RAB11FIP4: variants seen among roughly 807,000 people sequenced by gnomAD.
RAB11FIP4 encodes RAB11 family interacting protein 4, also known as rab11 family-interacting protein 4.
A neutral mutation model predicts 74.3 loss-of-function variants in RAB11FIP4; 23 were observed. The ratio of observed to expected loss-of-function variants is 0.31; its 90% CI spans 0.22 to 0.44. The LOEUF (loss-of-function observed/expected upper bound fraction) is 0.44, where lower values mean the gene tolerates loss of function less well. Ranked by LOEUF, RAB11FIP4 falls within the 20% of genes least tolerant of loss-of-function variation. The probability of loss-of-function intolerance (pLI) is 1.00; values close to 1 mark genes in which losing one functional copy is unlikely to be tolerated. For missense variants in RAB11FIP4, 630 were observed against 863.9 expected, an observed-to-expected ratio of 0.73 and a Z score of 3.39; for synonymous variants, 360 against 359.9, an observed-to-expected ratio of 1.00 and a Z score of 0.00.
intron 3 of RAB11FIP4, among the ~76,000 whole-genome samples, chr17:31,443,191 C>T (rs894866192): frequency 3.9e-5 from 6 of 152,132 alleles, no homozygotes; most frequent in Admixed American, 1.3e-4. Context: ...ACTAAGAGGG[C>T]GTTCTTCATG....
chr17:31,529,697 C>A lies in RAB11FIP4; in HGVS notation c.1654-629C>A, dbSNP rs530647103. Reference sequence around the variant, plus strand: ...CTGCCTGACCCTGCAGGTGGAAGAGCCTGCAGCATAAATTATCCTTCTGAG... The same window carrying A: ...CTGCCTGACCCTGCAGGTGGAAGAGACTGCAGCATAAATTATCCTTCTGAG... On this transcript the variant is annotated intron_variant, in intron 13 of 14. Transcript: ENST00000621161. 3.9e-5 allele frequency among the ~76,000 whole-genome samples: 6 copies of A among 152,228 alleles called. No individual in the cohort carries two copies. The East Asian group carries it at 9.7e-4, about 24-fold the overall frequency.
intron 1 of RAB11FIP4, among the ~76,000 whole-genome samples, chr17:31,423,088 T>C (rs1002083111): frequency 6.6e-6 from 1 of 152,082 alleles, no homozygotes; most frequent in Non-Finnish European, 1.5e-5. Flanking sequence ...ACCAGCTAAT[T>C]TTTTGCATTT....
At chr17:31,516,185 T>C (rs1173843415) in intron 3 of RAB11FIP4, among the ~76,000 whole-genome samples, 2 of 151,866 alleles carry the variant, frequency 1.3e-5, no homozygotes, top group Admixed American at 6.6e-5. Flanking sequence ...AGGTGTTCCA[T>C]GATGTGCACA....
intron 1 of RAB11FIP4, among the ~76,000 whole-genome samples, chr17:31,396,193 A>AAAAAAAG (rs1232681689): frequency 3.7e-4 from 46 of 124,852 alleles, no homozygotes; most frequent in African/African-American, 1.1e-3. Flanking sequence ...CAAAAAAAAA[A>AAAAAAAG]AAAAGAAAAG....
intron 1 of RAB11FIP4, among the ~76,000 whole-genome samples, chr17:31,423,981 G>A (rs8064763): frequency 0.04 from 6,030 of 152,048 alleles, 379 homozygotes; most frequent in African/African-American, 0.14. Flanking sequence ...TAGGGAGGGG[G>A]CTGGGAGAGA....
intron 1 of RAB11FIP4, among the ~76,000 whole-genome samples, chr17:31,430,220 T>C (rs2071294080): frequency 6.6e-6 from 1 of 151,970 alleles, no homozygotes; most frequent in Non-Finnish European, 1.5e-5. Context: ...GAGAAGAGTG[T>C]GGTGGTTTCC....
intron 1 of RAB11FIP4, among the ~76,000 whole-genome samples, chr17:31,416,171 T>G (rs969169580): frequency 1.3e-5 from 2 of 152,154 alleles, no homozygotes; most frequent in Non-Finnish European, 2.9e-5. Context: ...CGTGGTAATG[T>G]TCCCCTTTGC....
intron 3 of RAB11FIP4, among the ~76,000 whole-genome samples, chr17:31,490,564 T>C (rs924424801): frequency 2.0e-5 from 3 of 151,726 alleles, no homozygotes; most frequent in East Asian, 3.9e-4. Context: ...TTTTTTTTTT[T>C]AATTGAGTTG....
At position 31,517,839 on chromosome 17, in the gene RAB11FIP4, G is replaced by A. The variant is rs1344618710; in HGVS notation, c.525G>A (p.Lys175=). The A allele has an allele frequency of 6.4e-7, 1 of 1,551,818 alleles. No homozygotes were observed. The highest frequency in any genetic ancestry group is 2.4e-5 in the East Asian group (1 of 40,936). ...GGTCTGTCGGGAGTCCTGCCGAGAA[G>A]GACGGGGGACTTGGGGGCCTGTTTC... The part of the protein sequence containing the change: ...LEGSVGSPAE[K]DGGLGGLFLP... The change falls in exon 4 of 15, where the codon AAG becomes AAA. Residue 175 remains lysine (K), a synonymous_variant. Coordinates refer to ENST00000621161, the MANE Select transcript of RAB11FIP4 (RefSeq NM_032932.6).
At chr17:31,397,005 TG>T (rs1418250952) in intron 1 of RAB11FIP4, among the ~76,000 whole-genome samples, 1 of 151,950 alleles carries the variant, frequency 6.6e-6, no homozygotes, top group Non-Finnish European at 1.5e-5. Flanking sequence ...GTCTTTGAAA[TG>T]GCAAAGGGGT....
In RAB11FIP4 at chr17:31,419,800, T is replaced by C. The variant is rs184079148; in HGVS notation, c.160-12013T>C. Among the ~76,000 whole-genome samples the C allele has an allele frequency of 3.4e-3, 513 of 152,236 alleles. 1 individual carries two copies. Among genetic ancestry groups the C allele is most frequent in the Non-Finnish European group, 6.0e-3 (406 of 68,014 alleles). On this transcript the variant is annotated intron_variant, in intron 1 of 14. Coordinates refer to ENST00000621161, the MANE Select transcript of RAB11FIP4 (RefSeq NM_032932.6). Reference sequence around the variant, plus strand: ...CTCCTGATCTCATGATCCGCCCACCTCAGCCTCCCAAAGTGCTGGGATTAC... The same window carrying C: ...CTCCTGATCTCATGATCCGCCCACCCCAGCCTCCCAAAGTGCTGGGATTAC...
chr17:31,392,054 C>T, intron 1 of RAB11FIP4, 43 bp downstream of exon 1: 1 of 1,207,044 alleles, frequency 8.3e-7, no homozygotes, highest in Non-Finnish European at 1.0e-6. Context: ...GACCCCAGCC[C>T]AGCCCCGCCG....
Position 31,391,945 on chromosome 17 carries a change from C to A in RAB11FIP4, c.93C>A (p.Asp31Glu). ...AGGTGTTCGAGGTGTGCGGCCGCGA[C>A]CCCGACGGCTTCCTGCGCGTGGAGC... ...LREVFEVCGR[D>E]PDGFLRVERV... is the part of the protein sequence containing the mutation. The change falls in exon 1 of 15, where the codon GAC becomes GAA. Residue 31 changes from aspartate (D) to glutamate (E), a missense_variant. Physicochemically the swap from Asp to Glu is conservative, Grantham distance 45. Transcript: ENST00000621161. The A allele has an allele frequency of 7.2e-7, 1 of 1,384,258 alleles. No homozygotes were observed. The highest frequency in any genetic ancestry group is 3.1e-5 in the East Asian group (1 of 32,432). 85.7% of individuals were successfully genotyped at this position (1,384,258 alleles called of 1,614,324 possible). A position where few individuals can be genotyped will look rare whatever the true frequency, so the allele number is the denominator to read the frequency against.
chr17:31,441,934 A>G (rs2071410081), intron 3 of RAB11FIP4, among the ~76,000 whole-genome samples: 2 of 152,318 alleles, frequency 1.3e-5, no homozygotes, highest in Admixed American at 1.3e-4. Context: ...TTAAATGGCA[A>G]CATGATATTT....
chr17:31,392,655 T>G (rs2070885966), intron 1 of RAB11FIP4: 1 of 152,244 alleles, frequency 6.6e-6, no homozygotes, highest in African/African-American at 2.4e-5. Flanking sequence ...GGCTTTCATG[T>G]GGCGGGGCCG....
intron 3 of RAB11FIP4, among the ~76,000 whole-genome samples, chr17:31,499,992 C>T (rs2072188682): frequency 6.6e-6 from 1 of 152,276 alleles, no homozygotes; most frequent in South Asian, 2.1e-4. Flanking sequence ...CAGTTTGCCT[C>T]CGAAGTCCAC....
In RAB11FIP4 at chr17:31,514,142, T is replaced by C. The variant is rs189847688; in HGVS notation, c.337-3509T>C. Among the ~76,000 whole-genome samples the C allele has an allele frequency of 4.3e-4, 65 of 152,362 alleles. 1 individual carries two copies. The East Asian group carries it at 0.012, about 27-fold the overall frequency. On this transcript the variant is annotated intron_variant, in intron 3 of 14. Coordinates refer to ENST00000621161, the MANE Select transcript of RAB11FIP4 (RefSeq NM_032932.6). Reference sequence around the variant, plus strand: ...CTGGTGCCCCTGCTTCTGCCCTGCCTGTGCCTGAGCCAAGCCATTTGAGGC... The same window carrying C: ...CTGGTGCCCCTGCTTCTGCCCTGCCCGTGCCTGAGCCAAGCCATTTGAGGC...
At chr17:31,406,965 C>T (rs953556370) in intron 1 of RAB11FIP4, among the ~76,000 whole-genome samples, 1 of 150,920 alleles carries the variant, frequency 6.6e-6, no homozygotes, top group African/African-American at 2.4e-5. Context: ...AATAAATAAG[C>T]CATTTTGTTT....
At chr17:31,414,843 A>G (rs2071132260) in intron 1 of RAB11FIP4, among the ~76,000 whole-genome samples, 1 of 152,230 alleles carries the variant, frequency 6.6e-6, no homozygotes, top group Non-Finnish European at 1.5e-5. Flanking sequence ...AGAACCAGGA[A>G]GCAATGCAAA....
Sources: allele counts gnomAD v4.1 joint callset (sites outside exome capture counted in the v4.1 genomes callset), GRCh38; gene constraint gnomAD v4.1.1; transcripts MANE v1.5; gene names NCBI Gene and HGNC (gene_info 2026-07-23, HGNC 2026-07-21).